Variants in TRAM2 observed in about 807,000 individuals in gnomAD.
TRAM2 encodes the protein translocation associated membrane protein 2, also known as translocating chain-associated membrane protein 2.
Under a neutral mutation model 51.0 loss-of-function variants are expected in TRAM2, and 12 were observed. The ratio of observed to expected loss-of-function variants is 0.24; its 90% CI spans 0.15 to 0.38. TRAM2 has a LOEUF of 0.38. Among genes scored for constraint, TRAM2 ranks in the 10% least tolerant of loss-of-function variants. TRAM2 has a pLI of 1.00. For missense variants in TRAM2, 361 were observed against 462.0 expected (o/e 0.78, Z 2.00); for synonymous variants, 175 against 179.4 (o/e 0.98, Z 0.20).
chr6:52,515,308 C>T (rs1766527696), intron 4 of TRAM2, among the ~76,000 whole-genome samples: 2 of 152,198 alleles, frequency 1.3e-5, no homozygotes, highest in Non-Finnish European at 2.9e-5. Context: ...GGTCTTGTTA[C>T]AGGAAACTCC....
chr6:52,529,716 CATTCAGCGTTAAGTGTTTCACCCAAGACA>C (rs1766851761), intron 2 of TRAM2: 1 of 152,178 alleles, frequency 6.6e-6, no homozygotes, highest in Admixed American at 6.5e-5. Flanking sequence ...CACCCAAGAC[CATTCAGCGTTAAGTGTTTCACCCAAGACA>C]ATTCAGCAAA....
chr6:52,532,324 G>A (rs1024785226), intron 2 of TRAM2, among the ~76,000 whole-genome samples: 2 of 152,136 alleles, frequency 1.3e-5, no homozygotes, highest in Admixed American at 6.5e-5. Context: ...GGTATGTGGG[G>A]TATGATCCAG....
chr6:52,515,886 C>A (rs534739188), intron 4 of TRAM2, 120 bp downstream of exon 4: 4 of 823,522 alleles, frequency 4.9e-6, no homozygotes, highest in African/African-American at 3.4e-5. Flanking sequence ...AACTTGTTCC[C>A]CTTAACAGAA....
At chr6:52,514,472 C>T (rs1766508328) in intron 4 of TRAM2, among the ~76,000 whole-genome samples, 1 of 152,006 alleles carries the variant, frequency 6.6e-6, no homozygotes, top group Non-Finnish European at 1.5e-5. Flanking sequence ...ACTGGCTCTT[C>T]CCAGAATAAA....
At chr6:52,572,382 T>A (rs1382769910) in intron 1 of TRAM2, among the ~76,000 whole-genome samples, 1 of 152,204 alleles carries the variant, frequency 6.6e-6, no homozygotes, top group Middle Eastern at 3.2e-3. Context: ...GGTGGGCGGA[T>A]CACCTGAAGT....
At chr6:52,569,622 C>A (rs1481363403) in intron 1 of TRAM2, among the ~76,000 whole-genome samples, 1 of 151,834 alleles carries the variant, frequency 6.6e-6, no homozygotes, top group Non-Finnish European at 1.5e-5. Context: ...CCATCAACAG[C>A]AATGGCTCGA....
rs562536204 is a variant in TRAM2, at chr6:52,499,641, G to A, written c.*3556C>T. 8 of 152,284 alleles carry A rather than the reference G, an allele frequency of 5.3e-5. No individual in the cohort carries two copies. Among genetic ancestry groups the A allele is most frequent in the Non-Finnish European group, 1.0e-4 (7 of 68,042 alleles). The allele number at this position is 152,284 out of a possible 1,614,324, so 9.4% of individuals were successfully genotyped here. ...TACTGACAAAGGAGGTCCCAAAAGA[G>A]ACCCCAGAAGCACACACCCACCCCA... is the stretch of plus-strand genomic sequence containing the variant. On this transcript the variant is annotated 3_prime_UTR_variant, in exon 11 of 11. Transcript: ENST00000182527.
intron 1 of TRAM2, among the ~76,000 whole-genome samples, chr6:52,554,121 GA>G (rs1308704520): frequency 6.6e-6 from 1 of 152,016 alleles, no homozygotes; most frequent in Non-Finnish European, 1.5e-5. Flanking sequence ...TCAAGTCCTA[GA>G]ACTTCACAGA....
intron 2 of TRAM2, among the ~76,000 whole-genome samples, chr6:52,535,442 G>A (rs1766962431): frequency 6.6e-6 from 1 of 152,112 alleles, no homozygotes; most frequent in Admixed American, 6.5e-5. Context: ...CAGCACTTTG[G>A]GAGGCCAAGG....
chr6:52,531,157 T>G (rs1163527658), intron 2 of TRAM2, among the ~76,000 whole-genome samples: 2 of 135,966 alleles, frequency 1.5e-5, no homozygotes, highest in Non-Finnish European at 1.6e-5. Flanking sequence ...TTTCCAAGAG[T>G]AGAGTACGAT....
At chr6:52,533,913 G>A (rs1212316564) in intron 2 of TRAM2, among the ~76,000 whole-genome samples, 1 of 152,112 alleles carries the variant, frequency 6.6e-6, no homozygotes, top group African/African-American at 2.4e-5. Flanking sequence ...CTAACATGCT[G>A]AAACCCCTTC....
intron 4 of TRAM2, among the ~76,000 whole-genome samples, chr6:52,515,331 A>G (rs1215432622): frequency 6.6e-6 from 1 of 152,254 alleles, no homozygotes; most frequent in African/African-American, 2.4e-5. Flanking sequence ...AGGACCATCC[A>G]CATTCCTTTC....
chr6:52,523,888 A>G (rs900813943), intron 2 of TRAM2: 3 of 152,266 alleles, frequency 2.0e-5, no homozygotes, highest in African/African-American at 7.2e-5. Context: ...GGCCAATAGC[A>G]TCAGTAACAC....
At chr6:52,552,861 C>T (rs1329793147) in intron 1 of TRAM2, among the ~76,000 whole-genome samples, 1 of 152,176 alleles carries the variant, frequency 6.6e-6, no homozygotes, top group African/African-American at 2.4e-5. Flanking sequence ...TGCCTATGTC[C>T]CAGGCTGCAG....
rs1331614375 is a variant in TRAM2, at chr6:52,498,399, TG to T, written c.*4797del. On this transcript the variant is annotated 3_prime_UTR_variant, in exon 11 of 11. Coordinates refer to ENST00000182527, the MANE Select transcript of TRAM2 (RefSeq NM_012288.4). ...ATGTATGTGTTTATGTGTTAGCACTTGGAGACTGGGAAGTAAAAGTAAACAC... is the reference window on the plus strand; with the variant it reads ...ATGTATGTGTTTATGTGTTAGCACTTGAGACTGGGAAGTAAAAGTAAACAC... 6.6e-6 allele frequency: 1 copy of T among 152,400 alleles called. No individual in the cohort carries two copies. Among genetic ancestry groups the T allele is most frequent in the Non-Finnish European group, 1.5e-5 (1 of 68,038 alleles). The allele number at this position is 152,400 out of a possible 1,614,324, so 9.4% of individuals were successfully genotyped here.
At chr6:52,542,291 T>C (rs1767115293) in intron 1 of TRAM2, among the ~76,000 whole-genome samples, 1 of 151,644 alleles carries the variant, frequency 6.6e-6, no homozygotes, top group Admixed American at 6.6e-5. Context: ...AAAATAGTCT[T>C]TTAGCCTTTT....
chr6:52,572,995 C>T (rs943614501), intron 1 of TRAM2, among the ~76,000 whole-genome samples: 27 of 152,130 alleles, frequency 1.8e-4, no homozygotes, highest in African/African-American at 6.3e-4. Context: ...TCATCACAGA[C>T]CAAAAAGAAA....
chr6:52,507,696 A>T, intron 6 of TRAM2, 73 bp from the exon 7 acceptor site: 1 of 1,482,952 alleles, frequency 6.7e-7, no homozygotes, highest in Non-Finnish European at 9.3e-7. Context: ...GGAAAAGTGC[A>T]GGGGGATGAG....
intron 1 of TRAM2, among the ~76,000 whole-genome samples, chr6:52,546,640 A>AT (rs1767206190): frequency 6.6e-6 from 1 of 152,014 alleles, no homozygotes; most frequent in Non-Finnish European, 1.5e-5. Context: ...CAAATGTCCA[A>AT]TTTAAATAAA....
Sources: allele counts gnomAD v4.1 joint callset (sites outside exome capture counted in the v4.1 genomes callset), GRCh38; gene constraint gnomAD v4.1.1; transcripts MANE v1.5; gene names NCBI Gene and HGNC (gene_info 2026-07-23, HGNC 2026-07-21).